The following ANO10 variants were observed in gnomAD, a reference collection of about 807,000 sequenced individuals.
ANO10 encodes the protein anoctamin-10.
In ANO10, 77 loss-of-function variants were observed where a neutral mutation model predicts 74.7. The observed-to-expected ratio is 1.03, with a 90% CI of 0.86 to 1.25. The LOEUF is 1.25. Among genes scored for constraint, ANO10 ranks in the 50% most tolerant of loss-of-function variants. The pLI is 0.00. For missense variants in ANO10, 721 were observed against 778.1 expected, an observed-to-expected ratio of 0.93 and a Z score of 0.87; for synonymous variants, 279 against 284.9, an observed-to-expected ratio of 0.98 and a Z score of 0.21.
chr3:43,661,714 T>C (rs1239194473), intron 1 of ANO10, among the ~76,000 whole-genome samples: 1 of 152,102 alleles, frequency 6.6e-6, no homozygotes, highest in Non-Finnish European at 1.5e-5. Context: ...GGGGACGATC[T>C]ACCAAACAAA....
At chr3:43,367,027 C>A (rs764369738) in intron 12 of ANO10, 53 bp from the exon 13 acceptor site, 3 of 1,521,648 alleles carry the variant, frequency 2.0e-6, no homozygotes, top group Non-Finnish European at 2.7e-6. Context: ...AAGTAGTGGC[C>A]GAGGCCTCTG....
intron 1 of ANO10, among the ~76,000 whole-genome samples, chr3:43,610,920 T>C (rs1357430780): frequency 1.3e-5 from 2 of 152,180 alleles, no homozygotes; most frequent in African/African-American, 2.4e-5. Flanking sequence ...CAAAAGAACC[T>C]GCATTTTTAG....
At chr3:43,447,446 A>G (rs749135622) in intron 11 of ANO10, among the ~76,000 whole-genome samples, 11 of 152,166 alleles carry the variant, frequency 7.2e-5, no homozygotes, top group Non-Finnish European at 1.3e-4. Context: ...CCACTTGCCT[A>G]TCTTACTCTG....
At chr3:43,472,828 G>C (rs960871617) in intron 11 of ANO10, among the ~76,000 whole-genome samples, 1 of 152,198 alleles carries the variant, frequency 6.6e-6, no homozygotes, top group Non-Finnish European at 1.5e-5. Flanking sequence ...ATTCTTAGGA[G>C]ATGTATGCTG....
chr3:43,602,444 C>T (rs2082376631), intron 2 of ANO10, among the ~76,000 whole-genome samples: 1 of 152,146 alleles, frequency 6.6e-6, no homozygotes, highest in South Asian at 2.1e-4. Flanking sequence ...TCAAGTGATT[C>T]TCCTGCTTCC....
intron 8 of ANO10, among the ~76,000 whole-genome samples, chr3:43,562,456 A>C (rs1186721434): frequency 2.1e-5 from 1 of 47,758 alleles, no homozygotes; most frequent in Non-Finnish European, 4.0e-5. Flanking sequence ...TGTCTCAAAC[A>C]AAAAAAAAAA....
At chr3:43,571,974 A>C (rs1377587141) in intron 7 of ANO10, among the ~76,000 whole-genome samples, 1 of 152,192 alleles carries the variant, frequency 6.6e-6, no homozygotes, top group Non-Finnish European at 1.5e-5. Context: ...TGGAAATAAC[A>C]AACAAGGCAA....
At chr3:43,507,875 A>G (rs768832070) in intron 11 of ANO10, among the ~76,000 whole-genome samples, 2 of 152,214 alleles carry the variant, frequency 1.3e-5, no homozygotes, top group Non-Finnish European at 2.9e-5. Context: ...TGAAGAGCAT[A>G]AACAATTGCC....
chr3:43,573,768 C>G (rs1035119840), intron 7 of ANO10, among the ~76,000 whole-genome samples: 4 of 152,100 alleles, frequency 2.6e-5, no homozygotes, highest in African/African-American at 9.7e-5. Flanking sequence ...TCCCACCTGT[C>G]AAAACATGCT....
intron 11 of ANO10, among the ~76,000 whole-genome samples, chr3:43,505,834 A>G (rs543831092): frequency 6.6e-6 from 1 of 152,314 alleles, no homozygotes; most frequent in South Asian, 2.1e-4. Context: ...TAGGGCCAGG[A>G]TATTATGAGT....
Position 43,560,383 on chromosome 3 carries a change from A to C in ANO10, c.1476+837T>G, listed in dbSNP as rs185658290. On this transcript the variant is annotated intron_variant, in intron 9 of 12. Transcript: ENST00000292246. The stretch of plus-strand genomic sequence containing the variant: ...AGTCCTACTCAACATGAACATACAA[A>C]TTCCTAAGCACATGAGAAAAATTAT... 1.9e-3 allele frequency among the ~76,000 whole-genome samples: 284 copies of C among 152,300 alleles called. 1 individual carries two copies. The highest frequency in any genetic ancestry group is 4.9e-3 in the African/African-American group (205 of 41,556).
chr3:43,557,761 T>C (rs1340582397), intron 9 of ANO10, among the ~76,000 whole-genome samples: 1 of 144,634 alleles, frequency 6.9e-6, no homozygotes, highest in Non-Finnish European at 1.5e-5. Context: ...AAAAAAGACG[T>C]TTTGTTTATG....
At chr3:43,654,329 T>A (rs756813387) in intron 1 of ANO10, among the ~76,000 whole-genome samples, 7 of 152,180 alleles carry the variant, frequency 4.6e-5, no homozygotes, top group African/African-American at 7.2e-5. Flanking sequence ...GGTCTCCTTT[T>A]CCGACCCCTA....
rs116713365 is a variant in ANO10, at chr3:43,561,771, T to C, written c.1294-369A>G. On this transcript the variant is annotated intron_variant, in intron 8 of 12. Coordinates refer to ENST00000292246, the MANE Select transcript of ANO10 (RefSeq NM_018075.5). ...GTTAACTACCCTGATCTGACTGCGA[T>C]ACATTTTATGTATTAAAACATCACC... 7.7e-3 allele frequency among the ~76,000 whole-genome samples: 1,178 copies of C among 152,318 alleles called. 13 individuals are homozygous for C. Among genetic ancestry groups the C allele is most frequent in the African/African-American group, 0.024 (1,009 of 41,574 alleles).
intron 10 of ANO10, among the ~76,000 whole-genome samples, chr3:43,551,289 G>A (rs997648815): frequency 6.6e-6 from 1 of 152,210 alleles, no homozygotes; most frequent in Non-Finnish European, 1.5e-5. Context: ...CACTCCATGG[G>A]TTGACCAGCT....
chr3:43,420,633 A>C (rs1198359474), intron 12 of ANO10, among the ~76,000 whole-genome samples: 2 of 152,104 alleles, frequency 1.3e-5, no homozygotes, highest in Non-Finnish European at 2.9e-5. Flanking sequence ...GGTTTCCTAC[A>C]CTTTTGGTGT....
chr3:43,491,428 C>T (rs1354463224), intron 11 of ANO10, among the ~76,000 whole-genome samples: 1 of 152,092 alleles, frequency 6.6e-6, no homozygotes, highest in Non-Finnish European at 1.5e-5. Context: ...GCACGAGAAT[C>T]GCTTGAACCA....
intron 11 of ANO10, among the ~76,000 whole-genome samples, chr3:43,487,851 G>A (rs546589246): frequency 7.1e-4 from 108 of 151,768 alleles, no homozygotes; most frequent in Non-Finnish European, 1.0e-3. Flanking sequence ...AAAAGAGCCC[G>A]CATCGCCAAG....
chr3:43,612,868 G>T (rs986499657), intron 1 of ANO10, among the ~76,000 whole-genome samples: 2 of 152,052 alleles, frequency 1.3e-5, no homozygotes, highest in Non-Finnish European at 2.9e-5. Context: ...GTGAATGTTG[G>T]ATTAAAATTA....
Sources: gnomAD v4.1 joint callset for allele counts (sites outside exome capture counted in the v4.1 genomes callset) on GRCh38, gnomAD v4.1.1 for gene constraint, MANE v1.5 for transcripts, NCBI Gene and HGNC (gene_info 2026-07-23, HGNC 2026-07-21) for gene names.